Variants in CELF1 observed in about 807,000 individuals in gnomAD.
CELF1 encodes CUGBP Elav-like family member 1.
Under a neutral mutation model 61.8 loss-of-function variants are expected in CELF1, and 10 were observed. The ratio of observed to expected loss-of-function variants is 0.16; its 90% CI spans 0.10 to 0.27. CELF1 has a LOEUF of 0.27. Among genes scored for constraint, CELF1 ranks in the 10% least tolerant of loss-of-function variants. The pLI is 1.00. For synonymous variants in CELF1, 236 were observed against 225.1 expected (o/e 1.05, Z -0.43); for missense variants, 380 against 639.1 (o/e 0.59, Z 4.37).
chr11:47,556,141 G>A (rs112402082), upstream of CELF1, among the ~76,000 whole-genome samples: 2,422 of 152,174 alleles, frequency 0.016, 51 homozygotes, highest in African/African-American at 0.048. Flanking sequence ...TATCCTAAGG[G>A]AATATTCATG....
At chr11:47,517,855 T>G (rs2095644913) in intron 1 of CELF1, among the ~76,000 whole-genome samples, 1 of 152,288 alleles carries the variant, frequency 6.6e-6, no homozygotes, top group Middle Eastern at 3.4e-3. Context: ...GGTTTCACCA[T>G]GTTGGCCAAG....
chr11:47,526,699 G>A (rs1013282810), intron 1 of CELF1, among the ~76,000 whole-genome samples: 1 of 152,172 alleles, frequency 6.6e-6, no homozygotes, highest in Non-Finnish European at 1.5e-5. Context: ...AAATAGAATG[G>A]TGGAACTAGA....
chr11:47,502,297 T>G (rs754520294), intron 1 of CELF1, among the ~76,000 whole-genome samples: 9 of 152,208 alleles, frequency 5.9e-5, no homozygotes, highest in Non-Finnish European at 1.0e-4. Flanking sequence ...AGGGCACTTC[T>G]TCTCAGGCAG....
chr11:47,472,830 AC>A (rs769593358), intron 14 of CELF1, among the ~76,000 whole-genome samples: 1 of 152,140 alleles, frequency 6.6e-6, no homozygotes, highest in Non-Finnish European at 1.5e-5. Context: ...ACAGGCACAA[AC>A]CTGGACTGTT....
intron 1 of CELF1, chr11:47,514,956 C>T (rs1173981473): frequency 6.6e-6 from 1 of 152,252 alleles, no homozygotes; most frequent in African/African-American, 2.4e-5. Flanking sequence ...CCTCTCTGCT[C>T]CCCAAACAGC....
intron 11 of CELF1, 161 bp downstream of exon 11, chr11:47,477,136 A>T: frequency 2.2e-6 from 2 of 914,554 alleles, no homozygotes; most frequent in Non-Finnish European, 3.3e-6. Context: ...AATCAGGAAG[A>T]TTTCTCTTAA....
chr11:47,537,202 C>T (rs191270190), intron 1 of CELF1, among the ~76,000 whole-genome samples: 5 of 151,528 alleles, frequency 3.3e-5, no homozygotes, highest in East Asian at 1.9e-4. Flanking sequence ...ATAAAAATTA[C>T]GAAGTTTCAA....
chr11:47,529,958 C>A (rs1161128205), intron 1 of CELF1, among the ~76,000 whole-genome samples: 1 of 152,130 alleles, frequency 6.6e-6, no homozygotes, highest in African/African-American at 2.4e-5. Flanking sequence ...ACAGCTATTG[C>A]CTTATGCCTC....
At chr11:47,509,332 A>G (rs1213635823) in intron 1 of CELF1, among the ~76,000 whole-genome samples, 2 of 152,056 alleles carry the variant, frequency 1.3e-5, no homozygotes, top group African/African-American at 4.8e-5. Context: ...CATTATCTCT[A>G]CCTTTCTCTA....
intron 1 of CELF1, among the ~76,000 whole-genome samples, chr11:47,542,122 C>T (rs911861364): frequency 2.6e-5 from 4 of 152,200 alleles, no homozygotes; most frequent in Non-Finnish European, 5.9e-5. Flanking sequence ...GTAATTTCAG[C>T]ACTTCGGGAG....
In CELF1 at chr11:47,501,023, G is replaced by T. The variant is rs2093827707; in HGVS notation, c.-153-91C>A. ...GGCAACACACAATGGCATAGGCCTA[G>T]AAGTTCTAATCTGTGTAACAATGGC... On this transcript the variant is annotated intron_variant, in intron 1 of 14. Coordinates refer to ENST00000687097, the MANE Select transcript of CELF1 (RefSeq NM_001376376.1). 7.5e-6 allele frequency: 3 copies of T among 397,390 alleles called. 1 individual carries two copies. Among genetic ancestry groups the T allele is most frequent in the South Asian group, 2.6e-4 (2 of 7,560 alleles). 24.6% of individuals were successfully genotyped at this position (397,390 alleles called of 1,614,324 possible).
At chr11:47,506,132 A>C (rs1463794005) in intron 1 of CELF1, among the ~76,000 whole-genome samples, 12 of 150,890 alleles carry the variant, frequency 8.0e-5, no homozygotes, top group Non-Finnish European at 4.5e-5. Context: ...GAGTTAAAAA[A>C]AAAAAATTTG....
At chr11:47,542,039 G>T (rs191585900) in intron 1 of CELF1, among the ~76,000 whole-genome samples, 4 of 152,158 alleles carry the variant, frequency 2.6e-5, no homozygotes, top group Admixed American at 2.0e-4. Flanking sequence ...ATAAAAAGAA[G>T]ACCTGGAGGT....
At chr11:47,507,554 A>G (rs1017748910) in intron 1 of CELF1, among the ~76,000 whole-genome samples, 1 of 152,212 alleles carries the variant, frequency 6.6e-6, no homozygotes, top group Non-Finnish European at 1.5e-5. Flanking sequence ...AAGCATATCG[A>G]ACAATCTTGC....
upstream of CELF1, among the ~76,000 whole-genome samples, chr11:47,556,871 A>G (rs2153789158): frequency 6.6e-6 from 1 of 152,068 alleles, no homozygotes; most frequent in East Asian, 1.9e-4. Flanking sequence ...TCAGAGTAAG[A>G]CCCTGTCTCT....
intron 1 of CELF1, among the ~76,000 whole-genome samples, chr11:47,532,583 AG>A (rs762706062): frequency 1.3e-5 from 2 of 152,236 alleles, no homozygotes; most frequent in African/African-American, 4.8e-5. Flanking sequence ...TATGAAAAGT[AG>A]AGGAAAGGTG....
At chr11:47,534,115 G>A (rs922012654) in intron 1 of CELF1, among the ~76,000 whole-genome samples, 2 of 127,030 alleles carry the variant, frequency 1.6e-5, no homozygotes, top group Admixed American at 1.0e-4. Flanking sequence ...TGCAACCTCC[G>A]CCTCCTTAGT....
chr11:47,543,773 A>C (rs1452594006), intron 1 of CELF1, among the ~76,000 whole-genome samples: 1 of 152,120 alleles, frequency 6.6e-6, no homozygotes, highest in Non-Finnish European at 1.5e-5. Context: ...AAAAAAAAAG[A>C]AAGCTGTTTT....
intron 13 of CELF1, among the ~76,000 whole-genome samples, chr11:47,473,848 G>A (rs2078782299): frequency 6.6e-6 from 1 of 152,130 alleles, no homozygotes; most frequent in Non-Finnish European, 1.5e-5. Flanking sequence ...TTAACACTGA[G>A]CTTAAAAACA....
Sources: allele counts gnomAD v4.1 joint callset (sites outside exome capture counted in the v4.1 genomes callset), GRCh38; gene constraint gnomAD v4.1.1; transcripts MANE v1.5; gene names NCBI Gene and HGNC (gene_info 2026-07-23, HGNC 2026-07-21).